The following SCYL3 variants were observed in gnomAD, a reference collection of about 807,000 sequenced individuals.
SCYL3 encodes SCY1 like pseudokinase 3.
In SCYL3, 35 loss-of-function variants were observed where a neutral mutation model predicts 73.8. That is an observed-to-expected ratio of 0.47 (90% CI 0.36 to 0.63). The LOEUF is 0.63. Ranked by LOEUF, SCYL3 falls within the 20% of genes least tolerant of loss-of-function variation. The probability of loss-of-function intolerance (pLI) is 0.00; values close to 1 mark genes in which losing one functional copy is unlikely to be tolerated. For synonymous variants in SCYL3, 277 were observed against 295.2 expected, an observed-to-expected ratio of 0.94 and a Z score of 0.63; for missense variants, 712 against 798.9, an observed-to-expected ratio of 0.89 and a Z score of 1.31.
intron 10 of SCYL3, among the ~76,000 whole-genome samples, chr1:169,861,673 T>C (rs983013818): frequency 2.0e-5 from 3 of 152,244 alleles, no homozygotes; most frequent in Admixed American, 6.5e-5. Flanking sequence ...GTCCCACTTA[T>C]GAGCTCCTTG....
intron 11 of SCYL3, among the ~76,000 whole-genome samples, chr1:169,858,809 ACTCT>A (rs1310595048): frequency 6.6e-6 from 1 of 151,514 alleles, no homozygotes; most frequent in Non-Finnish European, 1.5e-5. Context: ...GTGGTACATG[ACTCT>A]CTATGCACGT....
Position 169,875,957 on chromosome 1 carries a change from G to C in SCYL3, c.465+21C>G, listed in dbSNP as rs373613106. On this transcript the variant is annotated intron_variant, in intron 4 of 12. Coordinates refer to ENST00000367771, the MANE Select transcript of SCYL3 (RefSeq NM_020423.7). ...CGCTATTAAAAACCAAGTAAGGAAG[G>C]GGGGCTGTCCCCTGGCTTACCTCTG... 31 of 1,517,152 alleles carry C rather than the reference G, an allele frequency of 2.0e-5. No homozygotes were observed. In the East Asian group the frequency reaches 2.6e-4, roughly 12 times the overall value. The allele number at this position is 1,517,152 out of a possible 1,614,324, so 94.0% of individuals were successfully genotyped here. A position where few individuals can be genotyped will look rare whatever the true frequency, so the allele number is the denominator to read the frequency against.
chr1:169,853,719 G>GTTAT lies in SCYL3; in HGVS notation c.2057_2060dup (p.Asn687LysfsTer2), dbSNP rs759623704. On this transcript the variant is annotated stop_gained and frameshift_variant, in exon 13 of 13. Coordinates refer to ENST00000367771, the MANE Select transcript of SCYL3 (RefSeq NM_020423.7). LOFTEE classifies it high-confidence loss of function. Reference sequence around the variant, plus strand: ...GTTTAACTCACATCTATTGTCACCAGTTATTATCTTCCCAGTTCAGCTCCC... The same window carrying GTTAT: ...GTTTAACTCACATCTATTGTCACCAGTTATTTATTATCTTCCCAGTTCAGCTCCC... 1.2e-6 allele frequency: 2 copies of GTTAT among 1,613,474 alleles called. No individual in the cohort carries two copies. The highest frequency in any genetic ancestry group is 2.7e-5 in the African/African-American group (2 of 74,866).
intron 6 of SCYL3, among the ~76,000 whole-genome samples, chr1:169,869,323 T>C (rs1460390349): frequency 2.0e-5 from 3 of 152,224 alleles, no homozygotes; most frequent in Admixed American, 2.0e-4. Context: ...GAAGAAGGGC[T>C]AACAGTGATA....
Position 169,862,730 on chromosome 1 carries a change from C to T in SCYL3, c.1023G>A (p.Val341=), listed in dbSNP as rs776493840. 3 of 1,614,192 alleles carry T rather than the reference C, an allele frequency of 1.9e-6. No homozygotes were observed. The highest frequency in any genetic ancestry group is 2.5e-6 in the Non-Finnish European group (3 of 1,180,036). Reference sequence around the variant, plus strand: ...CATGAACTTCAAACAACTGGAGAAGCACGGGGATCACCCGTGACTGGAACA... The same window carrying T: ...CATGAACTTCAAACAACTGGAGAAGTACGGGGATCACCCGTGACTGGAACA... ...PALFQSRVIP[V]LLQLFEVHEE... Residue 341 remains valine (V), a synonymous_variant, in exon 10 of 13, where the codon GTG becomes GTA. Transcript: ENST00000367771.
In SCYL3 at chr1:169,853,588, T is replaced by G; in HGVS notation, c.*125A>C. 2.1e-6 allele frequency: 2 copies of G among 963,380 alleles called. No individual in the cohort carries two copies. The highest frequency in any genetic ancestry group is 1.5e-5 in the South Asian group (1 of 65,844). 59.7% of individuals were successfully genotyped at this position (963,380 alleles called of 1,614,324 possible). ...ACTTCAGTTGGCACAGACTGGATAA[T>G]GAGCTCCTGGGATGGGAAAAGCAGG... On this transcript the variant is annotated 3_prime_UTR_variant, in exon 13 of 13. Coordinates refer to ENST00000367771, the MANE Select transcript of SCYL3 (RefSeq NM_020423.7).
intron 11 of SCYL3, among the ~76,000 whole-genome samples, chr1:169,855,580 A>G (rs956109335): frequency 6.6e-6 from 1 of 152,240 alleles, no homozygotes; most frequent in Admixed American, 6.5e-5. Context: ...ATCAGTGCAA[A>G]AAAGAATTCA....
chr1:169,888,765 C>T lies in SCYL3; in HGVS notation c.76G>A (p.Val26Ile), dbSNP rs749177865. The change falls in exon 2 of 13, where the codon GTT (valine) becomes ATT (isoleucine). Residue 26 changes from valine to isoleucine, a missense_variant. Val to Ile is a conservative substitution (Grantham distance 29). This residue lies in a region of SCYL3 where 342 missense variants were observed against 448.1 expected (regional missense o/e 0.76). Coordinates refer to ENST00000367771, the MANE Select transcript of SCYL3 (RefSeq NM_020423.7). The stretch of plus-strand genomic sequence containing the variant: ...CCATCTTGCAGTACAGCGGGATAAA[C>T]AGCAAGTCCAGAGGGTAAGGTAAAT... ...PPFTLPSGLA[V>I]YPAVLQDGKF... 1.7e-5 allele frequency: 27 copies of T among 1,613,952 alleles called. No individual in the cohort carries two copies. The highest frequency in any genetic ancestry group is 2.2e-5 in the Non-Finnish European group (26 of 1,179,974).
chr1:169,854,448 T>C lies in SCYL3; in HGVS notation c.1829A>G (p.Lys610Arg), dbSNP rs1658925797. Residue 610 changes from lysine (K) to arginine (R), a missense_variant, in exon 12 of 13, where the codon AAA becomes AGA. Physicochemically the swap from Lys to Arg is conservative, Grantham distance 26. This residue lies in a region of SCYL3 where 370 missense variants were observed against 350.8 expected (regional missense o/e 1.05). Coordinates refer to ENST00000367771, the MANE Select transcript of SCYL3 (RefSeq NM_020423.7). ...CTCAGGATCTTTTACTGGCTTCTTT[T>C]TTACTTGAATGGTGAATTCCTCTCC... ...GLGEEFTIQV[K>R]KKPVKDPEMD... 1 of 1,614,118 alleles carries C rather than the reference T, an allele frequency of 6.2e-7. No individual in the cohort carries two copies. Among genetic ancestry groups the C allele is most frequent in the Non-Finnish European group, 8.5e-7 (1 of 1,179,976 alleles).
intron 9 of SCYL3, among the ~76,000 whole-genome samples, chr1:169,864,086 G>A: frequency 6.6e-6 from 1 of 152,142 alleles, no homozygotes; most frequent in East Asian, 1.9e-4. Context: ...AAAGTTCTTT[G>A]AAGATGCATG....
In SCYL3 at chr1:169,855,788, A is replaced by G. The variant is rs1260019128; in HGVS notation, c.1313-824T>C. 1.9e-6 allele frequency: 3 copies of G among 1,609,820 alleles called. No individual in the cohort carries two copies. The South Asian group carries it at 3.3e-5, about 18-fold the overall frequency. ...AATGGAAAAGCTATATAAATTTAATATTTCTACCTGTCTGTAAAAGAGTAT... is the reference window on the plus strand; with the variant it reads ...AATGGAAAAGCTATATAAATTTAATGTTTCTACCTGTCTGTAAAAGAGTAT... On this transcript the variant is annotated intron_variant, in intron 11 of 12. Coordinates refer to ENST00000367771, the MANE Select transcript of SCYL3 (RefSeq NM_020423.7).
chr1:169,873,953 A>G (rs1205145625), intron 4 of SCYL3, among the ~76,000 whole-genome samples: 1 of 152,238 alleles, frequency 6.6e-6, no homozygotes, highest in South Asian at 2.1e-4. Context: ...CACAAGGCAC[A>G]GTAATAAATG....
In SCYL3 at chr1:169,864,367, A is replaced by C. The variant is rs1571402282; in HGVS notation, c.955+2T>G. On this transcript the variant is annotated splice_donor_variant, in intron 9 of 12. Coordinates refer to ENST00000367771, the MANE Select transcript of SCYL3 (RefSeq NM_020423.7). LOFTEE classifies it high-confidence loss of function. ...GCAATAACACTTTGAAAAAGCATTCACCTTTTTTGGGGCCAAGCAGATAAG... is the reference window on the plus strand; with the variant it reads ...GCAATAACACTTTGAAAAAGCATTCCCCTTTTTTGGGGCCAAGCAGATAAG... 1 of 1,613,886 alleles carries C rather than the reference A, an allele frequency of 6.2e-7. No individual in the cohort carries two copies. The highest frequency in any genetic ancestry group is 8.5e-7 in the Non-Finnish European group (1 of 1,179,812).
intron 1 of SCYL3, 27 bp from the exon 2 acceptor site, chr1:169,888,917 A>G: frequency 6.7e-6 from 9 of 1,338,638 alleles, no homozygotes; most frequent in Non-Finnish European, 9.0e-6. Context: ...AACAATTTCA[A>G]ACATTAAATC....
chr1:169,854,578 G>A lies in SCYL3; in HGVS notation c.1699C>T (p.Gln567Ter), dbSNP rs1293256319. 8 of 1,613,582 alleles carry A rather than the reference G, an allele frequency of 5.0e-6. No homozygotes were observed. The highest frequency in any genetic ancestry group is 1.7e-5 in the Admixed American group (1 of 59,944). ...ESMPWKSSLP[Q>*]KISLVQRGDD... ...CCCCTTTGTACAAGGCTAATCTTTT[G>A]GGGTAAGCTTGATTTCCAAGGCATA... The change falls in exon 12 of 13, where the codon CAA (glutamine) becomes TAA (stop). Residue 567 changes from glutamine to a stop codon, truncating the protein, a stop_gained. Coordinates refer to ENST00000367771, the MANE Select transcript of SCYL3 (RefSeq NM_020423.7). LOFTEE classifies it high-confidence loss of function.
intron 8 of SCYL3, among the ~76,000 whole-genome samples, chr1:169,865,702 T>C (rs1184318288): frequency 6.6e-6 from 1 of 152,236 alleles, no homozygotes; most frequent in East Asian, 1.9e-4. Context: ...CTCAGCCCAA[T>C]GCACTCTCAC....
rs116366458 is a variant in SCYL3 at position 169,854,237 on chromosome 1, T to C, written c.2007+33A>G. The C allele has an allele frequency of 1.0e-3, 1,505 of 1,501,656 alleles. 10 individuals are homozygous for C. The African/African-American group carries it at 0.018, about 18-fold the overall frequency. 93.0% of individuals were successfully genotyped at this position (1,501,656 alleles called of 1,614,324 possible). ...GGACCTATGAGGGAAATCCTAAAGC[T>C]AGTAGCACAGTTTACTCCATAAAAG... On this transcript the variant is annotated intron_variant, in intron 12 of 12. Coordinates refer to ENST00000367771, the MANE Select transcript of SCYL3 (RefSeq NM_020423.7).
chr1:169,892,402 G>A (rs970321541), intron 1 of SCYL3, among the ~76,000 whole-genome samples: 3 of 152,128 alleles, frequency 2.0e-5, no homozygotes, highest in African/African-American at 7.2e-5. Context: ...GAGATTACAG[G>A]CATGTGCCAC....
chr1:169,889,967 C>T (rs1661959372), intron 1 of SCYL3, among the ~76,000 whole-genome samples: 1 of 152,212 alleles, frequency 6.6e-6, no homozygotes, highest in Non-Finnish European at 1.5e-5. Flanking sequence ...CTTGCCTGCA[C>T]CTTCCAAATC....
Sources: allele counts gnomAD v4.1 joint callset (sites outside exome capture counted in the v4.1 genomes callset), GRCh38; gene constraint gnomAD v4.1.1; regional missense constraint gnomAD v4.1.1; transcripts MANE v1.5; gene names NCBI Gene and HGNC (gene_info 2026-07-23, HGNC 2026-07-21).